DNAJB1: variants seen among roughly 807,000 people sequenced by gnomAD.
DNAJB1 encodes dnaJ homolog subfamily B member 1.
DNAJB1 carries 14 observed loss-of-function variants against 24.0 expected under a neutral mutation model. The ratio of observed to expected loss-of-function variants is 0.58; its 90% CI spans 0.39 to 0.91. The LOEUF (loss-of-function observed/expected upper bound fraction) is 0.91. DNAJB1 is among the 40% of genes least tolerant of loss of function. The pLI is 0.00. For missense variants in DNAJB1, 517 were observed against 458.1 expected (o/e 1.13, Z -1.17); for synonymous variants, 262 against 174.4 (o/e 1.50, Z -3.96).
intron 1 of DNAJB1, among the ~76,000 whole-genome samples, chr19:14,539,376 T>C (rs1054247900): frequency 1.8e-4 from 27 of 151,996 alleles, no homozygotes; most frequent in African/African-American, 6.3e-4. Flanking sequence ...CAGAGCCCAC[T>C]TTTTAACCTG....
chr19:14,551,973 T>C (rs1195555130), upstream of DNAJB1, among the ~76,000 whole-genome samples: 3 of 94,036 alleles, frequency 3.2e-5, no homozygotes, highest in South Asian at 4.5e-4. Flanking sequence ...CTCTCTCTCT[T>C]TCTCTCTTTT....
upstream of DNAJB1, among the ~76,000 whole-genome samples, chr19:14,554,412 T>G (rs1242810783): frequency 6.6e-6 from 1 of 152,148 alleles, no homozygotes; most frequent in African/African-American, 2.4e-5. Flanking sequence ...CTGCCCCTCT[T>G]CTGGGGCTGA....
intron 2 of DNAJB1, among the ~76,000 whole-genome samples, chr19:14,525,148 G>T (rs1300514845): frequency 6.7e-6 from 1 of 149,366 alleles, no homozygotes; most frequent in Non-Finnish European, 1.5e-5. Flanking sequence ...CAGGAGAATC[G>T]CTTGAACCCA....
At chr19:14,530,807 CTA>C (rs2072614671), upstream of DNAJB1, 1 of 152,194 alleles carries the variant, frequency 6.6e-6, no homozygotes, top group Admixed American at 6.6e-5. Context: ...ACCATCTTGA[CTA>C]TTTTTAAGTG....
upstream of DNAJB1, among the ~76,000 whole-genome samples, chr19:14,519,679 C>T (rs2072339692): frequency 6.6e-6 from 1 of 152,172 alleles, no homozygotes; most frequent in African/African-American, 2.4e-5. Flanking sequence ...TGCACTGGGT[C>T]CCCAGTGCCT....
In DNAJB1 at chr19:14,516,037, T is replaced by C; in HGVS notation, c.926A>G (p.Glu309Gly). 1 of 1,613,130 alleles carries C rather than the reference T, an allele frequency of 6.2e-7. No homozygotes were observed. Among genetic ancestry groups the C allele is most frequent in the Non-Finnish European group, 8.5e-7 (1 of 1,179,708 alleles). ...CTCAATAATGAGGTCCCCACGTTTC[T>C]CGGGTGTTTTGGGGAGGGGGAGGCC... Reference protein sequence around the residue: ...GEGLPLPKTPEKRGDLIIEFE... With the variant: ...GEGLPLPKTPGKRGDLIIEFE... Residue 309 changes from glutamate (E) to glycine (G), a missense_variant, in exon 3 of 3, where the codon GAG becomes GGG. Glu to Gly is a moderately conservative substitution (Grantham distance 98). Coordinates refer to ENST00000254322, the MANE Select transcript of DNAJB1 (RefSeq NM_006145.3).
chr19:14,540,243 T>A (rs1452901997), intron 1 of DNAJB1, among the ~76,000 whole-genome samples: 2 of 151,380 alleles, frequency 1.3e-5, no homozygotes, highest in African/African-American at 4.9e-5. Context: ...TTTTATTTTT[T>A]ATTTTTACTA....
chr19:14,520,068 T>G (rs2072343594), upstream of DNAJB1, among the ~76,000 whole-genome samples: 1 of 152,198 alleles, frequency 6.6e-6, no homozygotes, highest in Non-Finnish European at 1.5e-5. Context: ...ACTAGGCCTT[T>G]GCTGGCCTTA....
At chr19:14,542,989 CTTT>C (rs572624462) in intron 1 of DNAJB1, among the ~76,000 whole-genome samples, 1 of 102,228 alleles carries the variant, frequency 9.8e-6, no homozygotes. Context: ...CTTCCAAATT[CTTT>C]TTTTTTTTTT....
Position 14,557,114 on chromosome 19 carries a change from C to CGTA in DNAJB1, c.-2165-2797_-2165-2796insTAC, listed in dbSNP as rs1555736113. On this transcript the variant is annotated intron_variant, in intron 1 of 5. Coordinates refer to the DNAJB1 transcript ENST00000679223. ...GCTGTTCTGCTAGTGTTGGTCTAAT[C>CGTA]TTATTTATTTATTTATTTATTTATT... 2.8e-3 allele frequency among the ~76,000 whole-genome samples: 390 copies of CGTA among 140,450 alleles called. 4 individuals are homozygous for CGTA. The highest frequency in any genetic ancestry group is 9.9e-3 in the African/African-American group (376 of 37,814). The allele number at this position is 140,450 out of a possible 152,430, so 92.1% of individuals were successfully genotyped here.
chr19:14,538,536 C>T (rs200773393), intron 1 of DNAJB1, among the ~76,000 whole-genome samples: 7 of 136,768 alleles, frequency 5.1e-5, no homozygotes, highest in East Asian at 2.1e-4. Flanking sequence ...TCTTTTTTTT[C>T]TTTTTTTTTT....
chr19:14,532,494 C>G (rs1181602733), upstream of DNAJB1: 1 of 117,136 alleles, frequency 8.5e-6, no homozygotes, highest in Non-Finnish European at 1.6e-5. Flanking sequence ...GCCTGGATGA[C>G]AGAGCGAGAG....
intron 1 of DNAJB1, among the ~76,000 whole-genome samples, chr19:14,548,321 C>G (rs57294575): frequency 6.6e-6 from 1 of 152,106 alleles, no homozygotes; most frequent in African/African-American, 2.4e-5. Flanking sequence ...CCTCTTGAAC[C>G]TGCATTTCCC....
chr19:14,516,328 C>T lies in DNAJB1; in HGVS notation c.792+138G>A, dbSNP rs45454593. Reference sequence around the variant, plus strand: ...CCACCACGAAAGCTCCACAACAGCGCCCTGGTCAGTCCTGTTCACTGTTGT... The same window carrying T: ...CCACCACGAAAGCTCCACAACAGCGTCCTGGTCAGTCCTGTTCACTGTTGT... On this transcript the variant is annotated intron_variant, in intron 2 of 2. Coordinates refer to ENST00000254322, the MANE Select transcript of DNAJB1 (RefSeq NM_006145.3). The T allele has an allele frequency of 9.4e-4, 1,191 of 1,266,050 alleles. 4 individuals are homozygous for T. The highest frequency in any genetic ancestry group is 1.2e-3 in the Non-Finnish European group (1,077 of 916,416). The allele number at this position is 1,266,050 out of a possible 1,614,324, so 78.4% of individuals were successfully genotyped here.
intron 2 of DNAJB1, among the ~76,000 whole-genome samples, chr19:14,526,523 C>A (rs571244612): frequency 1.3e-5 from 2 of 152,270 alleles, no homozygotes; most frequent in East Asian, 3.9e-4. Context: ...TGCCTTTCTG[C>A]CAGCTTCTTA....
chr19:14,535,008 C>G (rs1374870027), intron 1 of DNAJB1, among the ~76,000 whole-genome samples: 2 of 152,074 alleles, frequency 1.3e-5, no homozygotes. Flanking sequence ...TCAGTGTGGA[C>G]TGCTGGGAGA....
intron 2 of DNAJB1, among the ~76,000 whole-genome samples, chr19:14,524,861 T>C (rs555619998): frequency 1.3e-5 from 1 of 76,522 alleles, no homozygotes; most frequent in Non-Finnish European, 2.5e-5. Flanking sequence ...AAAAAGACCT[T>C]CAAAAAGCGC....
At chr19:14,551,507 G>A (rs1461989951), upstream of DNAJB1, among the ~76,000 whole-genome samples, 1 of 152,166 alleles carries the variant, frequency 6.6e-6, no homozygotes, top group Non-Finnish European at 1.5e-5. Flanking sequence ...AAGCAGACAG[G>A]CAAGGCAGGT....
At chr19:14,520,824 A>T (rs2072351304), upstream of DNAJB1, among the ~76,000 whole-genome samples, 1 of 152,096 alleles carries the variant, frequency 6.6e-6, no homozygotes, top group Non-Finnish European at 1.5e-5. Context: ...ATCTATACAA[A>T]AAATTAAAAA....
Sources: gnomAD v4.1 joint callset for allele counts (sites outside exome capture counted in the v4.1 genomes callset) on GRCh38, gnomAD v4.1.1 for gene constraint, MANE v1.5 for transcripts, NCBI Gene and HGNC (gene_info 2026-07-23, HGNC 2026-07-21) for gene names.